SCFD2: variants seen among roughly 807,000 people sequenced by gnomAD.
SCFD2 encodes sec1 family domain-containing protein 2.
In SCFD2, 54 loss-of-function variants were observed where a neutral mutation model predicts 58.9. The observed-to-expected ratio is 0.92, with a 90% CI of 0.74 to 1.15. The LOEUF is 1.15. SCFD2 is among the 50% of genes most tolerant of loss of function. The pLI, the probability that SCFD2 is intolerant of heterozygous loss-of-function variation, is 0.00. For missense variants in SCFD2, 805 were observed against 836.6 expected (o/e 0.96, Z 0.47); for synonymous variants, 321 against 335.9 (o/e 0.96, Z 0.49).
At chr4:53,356,539 C>A (rs1370203906) in intron 1 of SCFD2, among the ~76,000 whole-genome samples, 1 of 152,100 alleles carries the variant, frequency 6.6e-6, no homozygotes, top group East Asian at 1.9e-4. Flanking sequence ...GATCCTCCCA[C>A]CTCAGCCTCC....
intron 5 of SCFD2, among the ~76,000 whole-genome samples, chr4:53,057,471 T>C (rs1723376921): frequency 6.6e-6 from 1 of 152,106 alleles, no homozygotes; most frequent in Non-Finnish European, 1.5e-5. Context: ...AAACACTGCA[T>C]GTTCTCACTC....
chr4:53,251,785 T>C (rs970363482), intron 4 of SCFD2, among the ~76,000 whole-genome samples: 22 of 151,950 alleles, frequency 1.4e-4, no homozygotes, highest in Admixed American at 5.9e-4. Context: ...TCATACTGAA[T>C]GGGCAAAAAC....
At chr4:52,876,989 G>A (rs1577790957) in intron 8 of SCFD2, among the ~76,000 whole-genome samples, 1 of 152,222 alleles carries the variant, frequency 6.6e-6, no homozygotes, top group Non-Finnish European at 1.5e-5. Flanking sequence ...TCTCTGGCTG[G>A]GGTGAGGGTG....
Position 52,978,056 on chromosome 4 carries a change from G to C in SCFD2, c.1562-57186C>G, listed in dbSNP as rs185109041. On this transcript the variant is annotated intron_variant, in intron 5 of 8. Transcript: ENST00000401642. Reference sequence around the variant, plus strand: ...AAAATAGACTGTTTTGTTCACTGCTGTATCTCCAGTCCTTGGAGCAGTTGC... The same window carrying C: ...AAAATAGACTGTTTTGTTCACTGCTCTATCTCCAGTCCTTGGAGCAGTTGC... Among the ~76,000 whole-genome samples, 189 of 152,246 alleles carry C rather than the reference G, an allele frequency of 1.2e-3. 2 individuals are homozygous for C. Among genetic ancestry groups the C allele is most frequent in the African/African-American group, 4.4e-3 (181 of 41,566 alleles).
intron 5 of SCFD2, among the ~76,000 whole-genome samples, chr4:53,101,901 T>C (rs1724840273): frequency 6.6e-6 from 1 of 152,056 alleles, no homozygotes; most frequent in Admixed American, 6.6e-5. Context: ...AAATGAACTT[T>C]ACTACACATG....
intron 5 of SCFD2, among the ~76,000 whole-genome samples, chr4:52,951,489 C>T (rs1720592023): frequency 6.6e-6 from 1 of 152,208 alleles, no homozygotes; most frequent in South Asian, 2.1e-4. Flanking sequence ...CTTAGAAAGA[C>T]TAACTTACGA....
At chr4:52,975,578 C>T (rs918369146) in intron 5 of SCFD2, among the ~76,000 whole-genome samples, 58 of 152,226 alleles carry the variant, frequency 3.8e-4, no homozygotes, top group African/African-American at 1.2e-3. Context: ...GTTGGTGGGA[C>T]GGTAAACTAG....
At chr4:52,985,337 G>C (rs1194799067) in intron 5 of SCFD2, among the ~76,000 whole-genome samples, 1 of 152,044 alleles carries the variant, frequency 6.6e-6, no homozygotes, top group East Asian at 1.9e-4. Context: ...AGTCATTTTG[G>C]TTATTTCCAG....
chr4:52,977,376 T>C (rs1009275693), intron 5 of SCFD2, among the ~76,000 whole-genome samples: 4 of 152,176 alleles, frequency 2.6e-5, no homozygotes, highest in Non-Finnish European at 5.9e-5. Context: ...ATTAAGGTTC[T>C]ACCTCATTCC....
intron 4 of SCFD2, among the ~76,000 whole-genome samples, chr4:53,229,754 A>T (rs1280800285): frequency 6.6e-6 from 1 of 152,226 alleles, no homozygotes; most frequent in Non-Finnish European, 1.5e-5. Flanking sequence ...TGGCAACAAA[A>T]GCCAGAATTG....
At chr4:53,312,076 A>G (rs958186592) in intron 3 of SCFD2, among the ~76,000 whole-genome samples, 7 of 152,144 alleles carry the variant, frequency 4.6e-5, no homozygotes, top group African/African-American at 1.7e-4. Flanking sequence ...GACAGAAGGA[A>G]GGAAGAAAGG....
At chr4:53,028,142 G>A (rs1038358940) in intron 5 of SCFD2, among the ~76,000 whole-genome samples, 22 of 152,160 alleles carry the variant, frequency 1.4e-4, no homozygotes, top group African/African-American at 4.8e-4. Flanking sequence ...AGCTACTTAG[G>A]AGGCTGAGGC....
intron 4 of SCFD2, among the ~76,000 whole-genome samples, chr4:53,229,666 C>T (rs1244607186): frequency 2.0e-5 from 3 of 152,134 alleles, no homozygotes; most frequent in Non-Finnish European, 4.4e-5. Context: ...ACCAGGAAAA[C>T]CCTAGAAGAA....
chr4:53,034,840 T>G (rs900377530), intron 5 of SCFD2, among the ~76,000 whole-genome samples: 15 of 152,230 alleles, frequency 9.9e-5, no homozygotes, highest in Admixed American at 2.0e-4. Context: ...CAAACAAATG[T>G]AAGAACATTC....
At chr4:52,951,719 T>C (rs938040065) in intron 5 of SCFD2, among the ~76,000 whole-genome samples, 1 of 152,164 alleles carries the variant, frequency 6.6e-6, no homozygotes. Context: ...TTCCCCACCA[T>C]AGTTTCTGTG....
intron 5 of SCFD2, among the ~76,000 whole-genome samples, chr4:52,947,907 A>G (rs375457453): frequency 2.0e-5 from 3 of 152,014 alleles, no homozygotes; most frequent in African/African-American, 7.2e-5. Flanking sequence ...ACATAAGTAA[A>G]CAAAGAAATC....
chr4:52,920,588 A>G, intron 6 of SCFD2, 137 bp downstream of exon 6: 1 of 527,630 alleles, frequency 1.9e-6, no homozygotes, highest in Non-Finnish European at 3.2e-6. Context: ...CAAAACTCTG[A>G]ACTAAAAGAG....
chr4:53,119,017 C>T (rs1397417981), intron 5 of SCFD2, among the ~76,000 whole-genome samples: 5 of 152,100 alleles, frequency 3.3e-5, no homozygotes, highest in Non-Finnish European at 5.9e-5. Context: ...TGTAATCTTG[C>T]TACTAAAATC....
intron 2 of SCFD2, among the ~76,000 whole-genome samples, chr4:53,330,178 A>G (rs1733388216): frequency 6.6e-6 from 1 of 152,218 alleles, no homozygotes; most frequent in Admixed American, 6.5e-5. Flanking sequence ...GCTGCAGGAT[A>G]TTATCCAGGA....
Sources: allele counts gnomAD v4.1 joint callset (sites outside exome capture counted in the v4.1 genomes callset), GRCh38; gene constraint gnomAD v4.1.1; transcripts MANE v1.5; gene names NCBI Gene and HGNC (gene_info 2026-07-23, HGNC 2026-07-21).